RYR3: variants seen among roughly 807,000 people sequenced by gnomAD.
The protein encoded by RYR3 is ryanodine receptor 3.
RYR3 carries 207 observed loss-of-function variants against 584.3 expected under a neutral mutation model. The observed-to-expected ratio is 0.35, with a 90% CI of 0.32 to 0.40. The LOEUF is 0.40. Among genes scored for constraint, RYR3 ranks in the 10% least tolerant of loss-of-function variants. RYR3 has a pLI of 1.00. For missense variants in RYR3, 5,616 were observed against 6,089.2 expected (o/e 0.92, Z 2.59); for synonymous variants, 2,416 against 2,248.5 (o/e 1.07, Z -2.11).
intron 16 of RYR3, among the ~76,000 whole-genome samples, chr15:33,600,360 C>A (rs571626601): frequency 4.3e-4 from 65 of 152,244 alleles, no homozygotes; most frequent in African/African-American, 1.4e-3. Flanking sequence ...TTGGCGCAAC[C>A]TGCCATATCG....
At chr15:33,740,122 T>C in intron 51 of RYR3, 127 bp downstream of exon 51, 1 of 770,252 alleles carries the variant, frequency 1.3e-6, no homozygotes, top group Non-Finnish European at 2.1e-6. Context: ...ATCATTTCTC[T>C]TGATGTGTCA....
chr15:33,388,776 TATC>T (rs1360227469), intron 1 of RYR3, among the ~76,000 whole-genome samples: 1 of 152,070 alleles, frequency 6.6e-6, no homozygotes, highest in Non-Finnish European at 1.5e-5. Context: ...ATGTAAGTAT[TATC>T]AACCTCCATG....
intron 60 of RYR3, among the ~76,000 whole-genome samples, chr15:33,760,671 C>G (rs949390110): frequency 7.2e-5 from 11 of 152,134 alleles, no homozygotes; most frequent in Non-Finnish European, 1.5e-4. Context: ...TTTAAAACCC[C>G]ACTGTCAATA....
intron 1 of RYR3, among the ~76,000 whole-genome samples, chr15:33,431,534 G>A (rs191517622): frequency 6.6e-6 from 1 of 152,154 alleles, no homozygotes; most frequent in African/African-American, 2.4e-5. Context: ...AGGCTGAGGT[G>A]GGCAGATCGC....
At position 33,472,225 on chromosome 15, in the gene RYR3, C is replaced by T. The variant is rs201721043; in HGVS notation, c.52-1194C>T. 2.0e-5 allele frequency among the ~76,000 whole-genome samples: 3 copies of T among 152,306 alleles called. No individual in the cohort carries two copies. In the East Asian group the frequency reaches 5.8e-4, roughly 29 times the overall value. On this transcript the variant is annotated intron_variant, in intron 1 of 103. Transcript: ENST00000634891. ...GTGGCTTCTCGCATTCCCCTGCAGCCCCTCACCTATCTCTGGGCACAAGCA... is the reference window on the plus strand; with the variant it reads ...GTGGCTTCTCGCATTCCCCTGCAGCTCCTCACCTATCTCTGGGCACAAGCA...
Position 33,703,414 on chromosome 15 carries a change from G to A in RYR3, c.6483+2334G>A, listed in dbSNP as rs768325345. Among the ~76,000 whole-genome samples, 219 of 152,302 alleles carry A rather than the reference G, an allele frequency of 1.4e-3. 2 individuals are homozygous for A. Among genetic ancestry groups the A allele is most frequent in the Admixed American group, 3.5e-3 (54 of 15,306 alleles). ...CTGGAAGTCCAAGATCGAGGTGTGC[G>A]CAGGTTTGGTTTCTTCTGAGGCTTC... On this transcript the variant is annotated intron_variant, in intron 42 of 103. Transcript: ENST00000634891.
intron 87 of RYR3, among the ~76,000 whole-genome samples, chr15:33,835,345 G>A (rs8033785): frequency 0.052 from 7,851 of 152,054 alleles, 642 homozygotes; most frequent in African/African-American, 0.18. Context: ...TTTGCTTTCT[G>A]TGGTGCTAAT....
chr15:33,856,223 T>C (rs1423140577), intron 98 of RYR3: 1 of 152,292 alleles, frequency 6.6e-6, no homozygotes, highest in African/African-American at 2.4e-5. Flanking sequence ...CCACCTGCTT[T>C]CTGTGAGGTC....
chr15:33,646,919 A>G (rs1382477792), intron 29 of RYR3, among the ~76,000 whole-genome samples: 2 of 152,140 alleles, frequency 1.3e-5, no homozygotes, highest in African/African-American at 4.8e-5. Flanking sequence ...AGCTATGGGC[A>G]TTGTCCAACT....
chr15:33,794,104 A>AT (rs796188650), intron 67 of RYR3, among the ~76,000 whole-genome samples: 5,515 of 47,194 alleles, frequency 0.12, 180 homozygotes, highest in East Asian at 0.35. Context: ...TATATTATAT[A>AT]AATATAATAT....
intron 64 of RYR3, among the ~76,000 whole-genome samples, chr15:33,778,554 G>T (rs575710141): frequency 1.3e-5 from 2 of 152,356 alleles, no homozygotes; most frequent in South Asian, 4.1e-4. Flanking sequence ...GTAAAGAAGA[G>T]AAATAATCGG....
intron 45 of RYR3, among the ~76,000 whole-genome samples, chr15:33,725,974 C>CG (rs2068391095): frequency 2.7e-5 from 1 of 37,622 alleles, no homozygotes; most frequent in Non-Finnish European, 5.7e-5. Context: ...CATCCCCCCC[C>CG]CCAAAAAAAA....
intron 16 of RYR3, among the ~76,000 whole-genome samples, chr15:33,595,865 ACTT>A: frequency 6.6e-6 from 1 of 152,210 alleles, no homozygotes; most frequent in African/African-American, 2.4e-5. Flanking sequence ...GCAAACCAAA[ACTT>A]CATATGACAA....
intron 51 of RYR3, among the ~76,000 whole-genome samples, chr15:33,741,909 C>T (rs1431108274): frequency 1.3e-5 from 2 of 152,116 alleles, no homozygotes; most frequent in East Asian, 1.9e-4. Context: ...CCACAGCGCC[C>T]GGCCCCAAAA....
At chr15:33,562,447 A>T (rs1340504723) in intron 10 of RYR3, among the ~76,000 whole-genome samples, 6 of 152,242 alleles carry the variant, frequency 3.9e-5, no homozygotes, top group Non-Finnish European at 1.5e-5. Context: ...AACCATTACA[A>T]TTATGGAAGA....
At chr15:33,664,014 C>G (rs1330302773) in intron 36 of RYR3, among the ~76,000 whole-genome samples, 4 of 152,184 alleles carry the variant, frequency 2.6e-5, no homozygotes, top group Non-Finnish European at 5.9e-5. Context: ...GATTCAAAGA[C>G]CAGACCACTG....
intron 12 of RYR3, among the ~76,000 whole-genome samples, chr15:33,574,046 A>T (rs2058168930): frequency 1.3e-5 from 2 of 152,204 alleles, no homozygotes; most frequent in Admixed American, 6.5e-5. Context: ...TGGCAATCAA[A>T]GAGTGCACCT....
Position 33,317,366 on chromosome 15 carries a change from G to A in RYR3, c.51+6270G>A, listed in dbSNP as rs116796640. On this transcript the variant is annotated intron_variant, in intron 1 of 103. Transcript: ENST00000634891. ...CGGATGAAGCAGATGCTTCTAGGGTGGAGAGCCCAGCCAGTGGTGAGGCTG... is the reference window on the plus strand; with the variant it reads ...CGGATGAAGCAGATGCTTCTAGGGTAGAGAGCCCAGCCAGTGGTGAGGCTG... Among the ~76,000 whole-genome samples, 1,077 of 152,280 alleles carry A rather than the reference G, an allele frequency of 7.1e-3. 12 individuals carry two copies. The highest frequency in any genetic ancestry group is 0.025 in the African/African-American group (1,046 of 41,546).
In RYR3 at chr15:33,769,570, AAGACGTTGATGCCATGGCCT is replaced by A. The variant is rs1449724019; in HGVS notation, c.8816+401_8816+420del. Among the ~76,000 whole-genome samples, 9 of 152,342 alleles carry A rather than the reference AAGACGTTGATGCCATGGCCT, an allele frequency of 5.9e-5. No homozygotes were observed. The East Asian group carries it at 1.7e-3, about 29-fold the overall frequency. ...TCTGGCTTCAAAAGAATCAGAGACA[AAGACGTTGATGCCATGGCCT>A]AGGGATTTGGGAAGAAGTCTTAAAA... On this transcript the variant is annotated intron_variant, in intron 62 of 103. Coordinates refer to ENST00000634891, the MANE Select transcript of RYR3 (RefSeq NM_001036.6).
Sources: gnomAD v4.1 joint callset for allele counts (sites outside exome capture counted in the v4.1 genomes callset) on GRCh38, gnomAD v4.1.1 for gene constraint, MANE v1.5 for transcripts, NCBI Gene and HGNC (gene_info 2026-07-23, HGNC 2026-07-21) for gene names.